Variants in CRAMP1 observed in about 807,000 individuals in gnomAD.
The protein encoded by CRAMP1 is cramped chromatin regulator 1, also known as protein cramped-like.
CRAMP1 carries 50 observed loss-of-function variants against 115.4 expected under a neutral mutation model. The ratio of observed to expected loss-of-function variants is 0.43; its 90% CI spans 0.35 to 0.55. The LOEUF is 0.55. Among genes scored for constraint, CRAMP1 ranks in the 20% least tolerant of loss-of-function variants. The pLI is 0.01. For missense variants in CRAMP1, 1,679 were observed against 1,721.7 expected, an observed-to-expected ratio of 0.98 and a Z score of 0.44; for synonymous variants, 866 against 745.4, an observed-to-expected ratio of 1.16 and a Z score of -2.64.
At chr16:1,673,201 G>A (rs1167921978) in intron 20 of CRAMP1, among the ~76,000 whole-genome samples, 2 of 147,400 alleles carry the variant, frequency 1.4e-5, no homozygotes, top group Admixed American at 1.3e-4. Flanking sequence ...TGTCTATGAT[G>A]GGAACGTGTC....
In CRAMP1 at chr16:1,676,109, G is replaced by C. The variant is rs944281154; in HGVS notation, c.*2064G>C. On this transcript the variant is annotated 3_prime_UTR_variant, in exon 21 of 21. Coordinates refer to ENST00000397412, the MANE Select transcript of CRAMP1 (RefSeq NM_020825.4). ...GCTGTGTGCACTGTGCCAGGGACAGGAGGGTTTGTGAACTGCCTGTCAGGG... is the reference window on the plus strand; with the variant it reads ...GCTGTGTGCACTGTGCCAGGGACAGCAGGGTTTGTGAACTGCCTGTCAGGG... 3 of 152,278 alleles carry C rather than the reference G, an allele frequency of 2.0e-5. No individual in the cohort carries two copies. Among genetic ancestry groups the C allele is most frequent in the Non-Finnish European group, 4.4e-5 (3 of 68,076 alleles). The allele number at this position is 152,278 out of a possible 1,614,324, so 9.4% of individuals were successfully genotyped here.
chr16:1,631,636 A>C (rs927172667), intron 3 of CRAMP1, among the ~76,000 whole-genome samples: 5 of 152,240 alleles, frequency 3.3e-5, no homozygotes, highest in African/African-American at 1.2e-4. Context: ...TCTGTGGAAC[A>C]CAAGTTCTCT....
In CRAMP1 at chr16:1,656,090, G is replaced by C; in HGVS notation, c.1333G>C (p.Ala445Pro). 1 of 1,609,940 alleles carries C rather than the reference G, an allele frequency of 6.2e-7. No homozygotes were observed. ...SAKDAHVLPP[A>P]QILGIQSGQG... is the part of the protein sequence containing the mutation. ...CAAGGACGCCCACGTGCTGCCCCCA[G>C]CCCAGATCCTGGGCATCCAGAGTGG... The change falls in exon 10 of 21, where the codon GCC (alanine) becomes CCC (proline). Residue 445 changes from alanine to proline, a missense_variant. By Grantham distance (27) the Ala-to-Pro change is conservative. Transcript: ENST00000397412. The surrounding 1 kb of genome is among the most constrained non-coding windows in gnomAD (Gnocchi z 5.6).
Position 1,641,139 on chromosome 16 carries a change from G to C in CRAMP1, c.779G>C (p.Cys260Ser). 6.2e-7 allele frequency: 1 copy of C among 1,607,688 alleles called. No individual in the cohort carries two copies. Among genetic ancestry groups the C allele is most frequent in the Non-Finnish European group, 8.5e-7 (1 of 1,174,442 alleles). The change falls in exon 6 of 21, where the codon TGT (cysteine) becomes TCT (serine). Residue 260 changes from cysteine (C) to serine (S), a missense_variant and splice_region_variant. Transcript: ENST00000397412. ...ATTTATTTATTTTTTCCATTTAAAG[G>C]TATGGATGACAAGAATGCAACAAAG... is the stretch of plus-strand genomic sequence containing the variant. ...YGELRKKIGGCMDDKNATKLN... is the reference protein window; with the variant it reads ...YGELRKKIGGSMDDKNATKLN...
intron 6 of CRAMP1, among the ~76,000 whole-genome samples, chr16:1,644,949 G>A (rs988569735): frequency 8.6e-5 from 13 of 151,702 alleles, no homozygotes; most frequent in African/African-American, 2.4e-4. Context: ...TGATCCTCCC[G>A]TCTTGGCCTC....
chr16:1,637,218 T>G (rs941471727), intron 4 of CRAMP1, among the ~76,000 whole-genome samples: 4 of 151,002 alleles, frequency 2.6e-5, no homozygotes, highest in East Asian at 1.9e-4. Context: ...CTCTTGAGCC[T>G]GGGAGGCAGA....
intron 10 of CRAMP1, among the ~76,000 whole-genome samples, chr16:1,657,305 C>T (rs991957126): frequency 1.3e-5 from 2 of 152,220 alleles, no homozygotes; most frequent in African/African-American, 4.8e-5. Context: ...CTGGGTGCTC[C>T]CTTCTGTGTG....
At chr16:1,629,530 G>A (rs974145765) in intron 3 of CRAMP1, among the ~76,000 whole-genome samples, 4 of 152,192 alleles carry the variant, frequency 2.6e-5, no homozygotes, top group Non-Finnish European at 5.9e-5. Context: ...CGGCAGGCGC[G>A]ACACAGATGC....
intron 18 of CRAMP1, 72 bp downstream of exon 18, chr16:1,668,265 T>G (rs557212667): frequency 9.1e-7 from 1 of 1,101,174 alleles, no homozygotes. Flanking sequence ...TTTGCCACAC[T>G]TCCTGGGGAT....
At position 1,614,801 on chromosome 16, in the gene CRAMP1, C is replaced by T; in HGVS notation, c.162C>T (p.Ala54=). ...GTKRDEKTPR[A]GADGPPAPPG... is the part of the protein sequence containing the mutation. ...AGAGGGACGAGAAGACCCCCCGGGC[C>T]GGCGCCGACGGCCCCCCCGCGCCCC... The change falls in exon 2 of 21, where the codon GCC becomes GCT. Residue 54 remains alanine, a synonymous_variant. Transcript: ENST00000397412. This position sits in a 1 kb window ranked among gnomAD's most constrained non-coding sequence, Gnocchi z 4.4. 7.8e-7 allele frequency: 1 copy of T among 1,283,568 alleles called. No homozygotes were observed. The highest frequency in any genetic ancestry group is 9.8e-7 in the Non-Finnish European group (1 of 1,017,404). The allele number at this position is 1,283,568 out of a possible 1,614,324, so 79.5% of individuals were successfully genotyped here.
In CRAMP1 at chr16:1,656,730, C is replaced by T; in HGVS notation, c.1973C>T (p.Ala658Val). ...CCGCCGTCTCAGGGACAGCCTGCCG[C>T]CAGGCCCCCGAAGGAGGTCCCCGCC... ...GPPPSQGQPA[A>V]RPPKEVPASR... is the part of the protein sequence containing the mutation. Residue 658 changes from alanine (A) to valine (V), a missense_variant, in exon 10 of 21, where the codon GCC (alanine) becomes GTC (valine). Physicochemically the swap from Ala to Val is moderately conservative, Grantham distance 64. Coordinates refer to ENST00000397412, the MANE Select transcript of CRAMP1 (RefSeq NM_020825.4). This position sits in a 1 kb window ranked among gnomAD's most constrained non-coding sequence, Gnocchi z 5.6. 6.4e-7 allele frequency: 1 copy of T among 1,551,624 alleles called. No homozygotes were observed.
chr16:1,668,009 G>T lies in CRAMP1; in HGVS notation c.3150G>T (p.Gln1050His), dbSNP rs1025460930. 1.9e-6 allele frequency: 3 copies of T among 1,613,638 alleles called. No homozygotes were observed. Among genetic ancestry groups the T allele is most frequent in the African/African-American group, 1.3e-5 (1 of 74,906 alleles). The change falls in exon 18 of 21, where the codon CAG becomes CAT. Residue 1050 changes from glutamine to histidine, a missense_variant. This residue lies in a region of CRAMP1 where 709 missense variants were observed against 741.9 expected (regional missense o/e 0.96). Transcript: ENST00000397412. ...SLSELPKAPL[Q>H]NGLSIPLSSS... ...CTGAGCTGCCCAAGGCCCCTCTCCA[G>T]AATGGCCTCTCCATACCGCTGTCCT...
chr16:1,617,060 G>A (rs2036426646), intron 2 of CRAMP1, among the ~76,000 whole-genome samples: 1 of 151,662 alleles, frequency 6.6e-6, no homozygotes, highest in African/African-American at 2.4e-5. Flanking sequence ...TCCTGACCTT[G>A]TGATCCTCCC....
chr16:1,623,724 G>C (rs1343717052), intron 2 of CRAMP1, among the ~76,000 whole-genome samples: 1 of 152,206 alleles, frequency 6.6e-6, no homozygotes, highest in Non-Finnish European at 1.5e-5. Context: ...GGCTCCTAGT[G>C]AGCCAGAGTG....
intron 2 of CRAMP1, among the ~76,000 whole-genome samples, chr16:1,622,290 A>T (rs1449817887): frequency 6.6e-6 from 1 of 152,084 alleles, no homozygotes; most frequent in Non-Finnish European, 1.5e-5. Context: ...AGGCGGGAGG[A>T]TTATCTGAGT....
At chr16:1,646,411 T>G (rs770324490) in intron 6 of CRAMP1, among the ~76,000 whole-genome samples, 1 of 152,180 alleles carries the variant, frequency 6.6e-6, no homozygotes, top group Admixed American at 6.5e-5. Flanking sequence ...CCCTAGTAGG[T>G]GTGGAGTGGC....
chr16:1,662,427 C>A, intron 11 of CRAMP1, 63 bp from the exon 12 acceptor site: 1 of 1,353,928 alleles, frequency 7.4e-7, no homozygotes, highest in Non-Finnish European at 1.0e-6. Context: ...AACGGAATTC[C>A]GTGACCCTGG....
intron 10 of CRAMP1, among the ~76,000 whole-genome samples, 185 bp downstream of exon 10, chr16:1,657,177 G>A (rs141282436): frequency 1.0e-3 from 155 of 152,336 alleles, no homozygotes; most frequent in African/African-American, 3.4e-3. Context: ...GACCCAAATG[G>A]TCCGGGAGAC....
chr16:1,625,964 C>G lies in CRAMP1; in HGVS notation c.347-9C>G, dbSNP rs979789363. On this transcript the variant is annotated splice_polypyrimidine_tract_variant and intron_variant, in intron 2 of 20. Transcript: ENST00000397412. Reference sequence around the variant, plus strand: ...GGAACAGATCACTGTACGGTGCTTTCTCTCCAAGGAGCTGAAGGTGGTGGA... The same window carrying G: ...GGAACAGATCACTGTACGGTGCTTTGTCTCCAAGGAGCTGAAGGTGGTGGA... The G allele has an allele frequency of 6.4e-7, 1 of 1,551,460 alleles. No homozygotes were observed. The highest frequency in any genetic ancestry group is 8.7e-7 in the Non-Finnish European group (1 of 1,146,908).
Sources: allele counts gnomAD v4.1 joint callset (sites outside exome capture counted in the v4.1 genomes callset), GRCh38; gene constraint gnomAD v4.1.1; regional missense constraint gnomAD v4.1.1; non-coding constraint Gnocchi (gnomAD v3.1); transcripts MANE v1.5; gene names NCBI Gene and HGNC (gene_info 2026-07-23, HGNC 2026-07-21).